The following FHIT variants were observed in gnomAD, a reference collection of about 807,000 sequenced individuals.
The protein encoded by FHIT is fragile histidine triad diadenosine triphosphatase, also known as bis(5'-adenosyl)-triphosphatase.
In FHIT, 19 loss-of-function variants were observed where a neutral mutation model predicts 17.9. The ratio of observed to expected loss-of-function variants is 1.06; its 90% CI spans 0.74 to 1.56. FHIT has a LOEUF of 1.56. FHIT is among the 40% of genes most tolerant of loss of function. The pLI is 0.00. For synonymous variants in FHIT, 81 were observed against 69.7 expected (o/e 1.16, Z -0.81); for missense variants, 248 against 189.2 (o/e 1.31, Z -1.82).
At chr3:61,195,010 T>C (rs1426174169) in intron 2 of FHIT, among the ~76,000 whole-genome samples, 1 of 103,618 alleles carries the variant, frequency 9.7e-6, no homozygotes, top group African/African-American at 3.7e-5. Context: ...GGGTGGTTAG[T>C]GGGGGGTGTG....
intron 4 of FHIT, among the ~76,000 whole-genome samples, chr3:60,569,755 A>ATATATATATATATATTTTTTTT: frequency 2.6e-5 from 2 of 77,342 alleles, no homozygotes. Context: ...ATATATATAT[A>ATATATATATATATATTTTTTTT]TTTTTTTTTT....
chr3:60,833,528 TCTC>T (rs1156976498), intron 3 of FHIT, among the ~76,000 whole-genome samples: 3 of 152,184 alleles, frequency 2.0e-5, no homozygotes, highest in Non-Finnish European at 4.4e-5. Flanking sequence ...TCTGTGACCT[TCTC>T]CTCTATGATT....
chr3:60,114,489 C>CTTTTTTTTTTTTTTTTT (rs1576129465), intron 5 of FHIT, among the ~76,000 whole-genome samples: 13 of 61,590 alleles, frequency 2.1e-4, no homozygotes, highest in Non-Finnish European at 2.9e-4. Flanking sequence ...AAGAGAAATC[C>CTTTTTTTTTTTTTTTTT]TTTTTTTTTT....
At chr3:60,336,977 A>G (rs1710272874) in intron 5 of FHIT, among the ~76,000 whole-genome samples, 1 of 152,134 alleles carries the variant, frequency 6.6e-6, no homozygotes, top group Non-Finnish European at 1.5e-5. Context: ...AAATAAAATC[A>G]GTGGACAGAA....
chr3:61,183,977 T>C (rs1011124449), intron 2 of FHIT, among the ~76,000 whole-genome samples: 10 of 152,106 alleles, frequency 6.6e-5, no homozygotes, highest in African/African-American at 2.4e-4. Flanking sequence ...CCTCCATTTT[T>C]TACTTCTTTC....
At chr3:60,243,003 C>T (rs1054646099) in intron 5 of FHIT, among the ~76,000 whole-genome samples, 1 of 151,048 alleles carries the variant, frequency 6.6e-6, no homozygotes, top group Non-Finnish European at 1.5e-5. Context: ...AAGTGAACCA[C>T]AATGGCCTTG....
chr3:60,277,943 A>C (rs1036020137), intron 5 of FHIT, among the ~76,000 whole-genome samples: 1 of 152,206 alleles, frequency 6.6e-6, no homozygotes, highest in African/African-American at 2.4e-5. Context: ...AACCAACTGG[A>C]AATTAATGAC....
At chr3:60,226,078 T>C (rs992299863) in intron 5 of FHIT, among the ~76,000 whole-genome samples, 1 of 151,960 alleles carries the variant, frequency 6.6e-6, no homozygotes, top group African/African-American at 2.4e-5. Context: ...GGTGAGGAGA[T>C]GTTAACAAAT....
At chr3:60,556,925 G>A (rs1168104615) in intron 4 of FHIT, among the ~76,000 whole-genome samples, 1 of 152,170 alleles carries the variant, frequency 6.6e-6, no homozygotes, top group African/African-American at 2.4e-5. Flanking sequence ...TCTGAAAACA[G>A]GACTTGGAGG....
intron 2 of FHIT, among the ~76,000 whole-genome samples, chr3:61,077,583 A>C (rs1337684249): frequency 1.3e-5 from 2 of 152,144 alleles, no homozygotes; most frequent in Non-Finnish European, 2.9e-5. Flanking sequence ...ATCTTAGAAG[A>C]ATCCTAAGTG....
chr3:60,992,069 T>C (rs916178123), intron 3 of FHIT, among the ~76,000 whole-genome samples: 2 of 152,190 alleles, frequency 1.3e-5, no homozygotes, highest in Admixed American at 6.5e-5. Context: ...ACATGAATCT[T>C]GATATCATGG....
chr3:59,794,307 A>G (rs1383222732), intron 8 of FHIT, among the ~76,000 whole-genome samples: 1 of 152,188 alleles, frequency 6.6e-6, no homozygotes, highest in Non-Finnish European at 1.5e-5. Flanking sequence ...AATGGCACCA[A>G]TTGAAAACGC....
chr3:61,001,909 T>C (rs1178779776), intron 3 of FHIT, among the ~76,000 whole-genome samples: 6 of 152,346 alleles, frequency 3.9e-5, no homozygotes, highest in African/African-American at 1.4e-4. Flanking sequence ...AGGCAAGATA[T>C]TAACATTGGG....
At chr3:60,118,202 G>A (rs1397171119) in intron 5 of FHIT, among the ~76,000 whole-genome samples, 2 of 152,008 alleles carry the variant, frequency 1.3e-5, no homozygotes, top group Non-Finnish European at 2.9e-5. Context: ...CAGTTTCTGG[G>A]TTCAAGCGAT....
chr3:60,004,867 G>C (rs1699862447), intron 7 of FHIT, among the ~76,000 whole-genome samples: 3 of 152,122 alleles, frequency 2.0e-5, no homozygotes, highest in Admixed American at 1.3e-4. Context: ...CATGTATTGA[G>C]ACTTTACTAT....
intron 4 of FHIT, among the ~76,000 whole-genome samples, chr3:60,614,535 C>T (rs2038881773): frequency 6.6e-6 from 1 of 152,030 alleles, no homozygotes; most frequent in South Asian, 2.1e-4. Flanking sequence ...ACCCGGGAGG[C>T]AGAGGTTGCA....
intron 5 of FHIT, among the ~76,000 whole-genome samples, chr3:60,025,488 A>T (rs969603239): frequency 6.6e-6 from 1 of 152,094 alleles, no homozygotes; most frequent in Non-Finnish European, 1.5e-5. Flanking sequence ...AGAGTAAGAA[A>T]AGAAGTTCAC....
chr3:59,830,301 A>G lies in FHIT; in HGVS notation c.349-77980T>C, dbSNP rs535342632. Among the ~76,000 whole-genome samples the G allele has an allele frequency of 4.6e-5, 7 of 152,320 alleles. No homozygotes were observed. In the South Asian group the frequency reaches 1.5e-3, roughly 32 times the overall value. ...GGAGAAAATCTAGAAAATAAATTCA[A>G]TATATATTCCAAAGGAAAAAGGAGG... On this transcript the variant is annotated intron_variant, in intron 8 of 9. Coordinates refer to ENST00000492590, the MANE Select transcript of FHIT (RefSeq NM_002012.4).
At chr3:60,885,230 G>A (rs1575642868) in intron 3 of FHIT, among the ~76,000 whole-genome samples, 2 of 152,106 alleles carry the variant, frequency 1.3e-5, no homozygotes, top group Admixed American at 6.6e-5. Context: ...AATGATAAAT[G>A]TTCAAGGTGC....
Sources: gnomAD v4.1 joint callset for allele counts (sites outside exome capture counted in the v4.1 genomes callset) on GRCh38, gnomAD v4.1.1 for gene constraint, MANE v1.5 for transcripts, NCBI Gene and HGNC (gene_info 2026-07-23, HGNC 2026-07-21) for gene names.